Variants in ACYP2 observed in about 807,000 individuals in gnomAD.
The protein encoded by ACYP2 is acylphosphatase-2.
In ACYP2, 12 loss-of-function variants were observed where a neutral mutation model predicts 11.2. The ratio of observed to expected loss-of-function variants is 1.08; its 90% CI spans 0.69 to 1.74. ACYP2 has a LOEUF of 1.74. ACYP2 is among the 40% of genes most tolerant of loss of function. The probability of loss-of-function intolerance (pLI) is 0.00; values close to 1 mark genes in which losing one functional copy is unlikely to be tolerated. For missense variants in ACYP2, 134 were observed against 101.9 expected, an observed-to-expected ratio of 1.31 and a Z score of -1.35; for synonymous variants, 43 against 32.2, an observed-to-expected ratio of 1.33 and a Z score of -1.13.
intron 2 of ACYP2, among the ~76,000 whole-genome samples, chr2:54,028,975 T>G (rs908030977): frequency 1.3e-5 from 2 of 152,108 alleles, no homozygotes; most frequent in South Asian, 4.1e-4. Context: ...TTGGGTAAGA[T>G]AGTGAGACCT....
intron 6 of ACYP2, among the ~76,000 whole-genome samples, chr2:54,263,623 GA>G (rs144980386): frequency 0.13 from 20,090 of 151,674 alleles, 1,291 homozygotes; most frequent in East Asian, 0.16. Context: ...ACACCCTGTC[GA>G]AAAAAAAGCT....
At chr2:54,062,650 G>C (rs1676530368) in intron 4 of ACYP2, among the ~76,000 whole-genome samples, 2 of 152,170 alleles carry the variant, frequency 1.3e-5, no homozygotes, top group South Asian at 4.1e-4. Flanking sequence ...GTGCATTATG[G>C]TTTAGACTTT....
chr2:54,051,116 G>C (rs1675842970), intron 3 of ACYP2: 1 of 648,732 alleles, frequency 1.5e-6, no homozygotes, highest in African/African-American at 1.8e-5. Context: ...CACAGCCATT[G>C]CAGTACACTG....
chr2:54,285,154 T>G (rs149904099), intron 6 of ACYP2, among the ~76,000 whole-genome samples: 208 of 152,302 alleles, frequency 1.4e-3, no homozygotes, highest in Non-Finnish European at 2.4e-3. Flanking sequence ...CCCTCTTTTA[T>G]AAGGGTACTG....
chr2:54,234,259 G>A (rs1243255946), intron 6 of ACYP2, among the ~76,000 whole-genome samples: 1 of 152,058 alleles, frequency 6.6e-6, no homozygotes, highest in Non-Finnish European at 1.5e-5. Context: ...ATCATTCTTT[G>A]GCTCTCCAGA....
At chr2:54,301,347 G>C (rs554641326) in intron 6 of ACYP2, among the ~76,000 whole-genome samples, 86 of 152,264 alleles carry the variant, frequency 5.6e-4, no homozygotes, top group African/African-American at 2.0e-3. Context: ...CTCTCACAAA[G>C]ATGTCTCTGA....
chr2:53,996,469 T>C (rs1410834439), intron 2 of ACYP2, among the ~76,000 whole-genome samples: 2 of 152,092 alleles, frequency 1.3e-5, no homozygotes, highest in South Asian at 2.1e-4. Flanking sequence ...GACTTTGATA[T>C]ATATTGAGCA....
intron 6 of ACYP2, among the ~76,000 whole-genome samples, chr2:54,146,753 T>A (rs1227078210): frequency 6.6e-6 from 1 of 152,076 alleles, no homozygotes; most frequent in Non-Finnish European, 1.5e-5. Context: ...GAGGATATTA[T>A]GTGTATCTTT....
intron 4 of ACYP2, among the ~76,000 whole-genome samples, chr2:54,099,340 A>G (rs1220051071): frequency 6.6e-6 from 1 of 152,206 alleles, no homozygotes; most frequent in African/African-American, 2.4e-5. Flanking sequence ...ACATGTTGTT[A>G]TTAACTATAG....
chr2:54,219,754 G>A (rs1465595592), intron 6 of ACYP2, among the ~76,000 whole-genome samples: 1 of 151,456 alleles, frequency 6.6e-6, no homozygotes. Context: ...AAGTGGCTGG[G>A]ATTACAGGTG....
At chr2:53,980,964 G>T (rs371280758) in intron 2 of ACYP2, among the ~76,000 whole-genome samples, 1 of 151,918 alleles carries the variant, frequency 6.6e-6, no homozygotes, top group Non-Finnish European at 1.5e-5. Context: ...GTTGCCCAAC[G>T]TGGTCTCGAA....
intron 6 of ACYP2, among the ~76,000 whole-genome samples, chr2:54,185,898 C>T (rs1005306885): frequency 1.3e-5 from 2 of 151,420 alleles, no homozygotes; most frequent in African/African-American, 4.9e-5. Flanking sequence ...ACATTATATG[C>T]CAAGGAATAC....
chr2:54,231,562 C>A (rs1485102065), intron 6 of ACYP2, among the ~76,000 whole-genome samples: 1 of 152,176 alleles, frequency 6.6e-6, no homozygotes, highest in Non-Finnish European at 1.5e-5. Flanking sequence ...GAGACCTCTG[C>A]TAGGTTGTTT....
chr2:54,201,246 T>C (rs986005797), intron 6 of ACYP2, among the ~76,000 whole-genome samples: 42 of 151,970 alleles, frequency 2.8e-4, no homozygotes, highest in South Asian at 1.5e-3. Flanking sequence ...GCAGGGACCA[T>C]AGGCGCCCGC....
chr2:54,072,645 C>G (rs930833761), intron 4 of ACYP2, among the ~76,000 whole-genome samples: 1 of 151,534 alleles, frequency 6.6e-6, no homozygotes, highest in Admixed American at 6.6e-5. Flanking sequence ...TCACTGCAAC[C>G]TCTGCCCCCT....
intron 6 of ACYP2, among the ~76,000 whole-genome samples, chr2:54,259,821 T>G (rs1265264633): frequency 6.6e-6 from 1 of 152,180 alleles, no homozygotes; most frequent in African/African-American, 2.4e-5. Flanking sequence ...TTGGCTGGAA[T>G]AAGTTTAAGA....
intron 6 of ACYP2, among the ~76,000 whole-genome samples, chr2:54,244,654 T>A (rs1343948213): frequency 6.6e-6 from 1 of 152,248 alleles, no homozygotes; most frequent in African/African-American, 2.4e-5. Flanking sequence ...TGTAGCTTTA[T>A]ATTATTTTAT....
At chr2:54,301,648 TATAC>T (rs1689731816) in intron 6 of ACYP2, among the ~76,000 whole-genome samples, 1 of 152,214 alleles carries the variant, frequency 6.6e-6, no homozygotes, top group Admixed American at 6.5e-5. Flanking sequence ...TATATATATG[TATAC>T]ATACACACGT....
intron 2 of ACYP2, among the ~76,000 whole-genome samples, chr2:53,984,303 C>T (rs964444856): frequency 1.5e-4 from 23 of 151,998 alleles, no homozygotes; most frequent in Non-Finnish European, 2.9e-4. Context: ...TCTGGCCAGG[C>T]GAGGCAGCTT....
Sources: allele counts gnomAD v4.1 joint callset (sites outside exome capture counted in the v4.1 genomes callset), GRCh38; gene constraint gnomAD v4.1.1; transcripts MANE v1.5; gene names NCBI Gene and HGNC (gene_info 2026-07-23, HGNC 2026-07-21).